DNER: variants seen among roughly 807,000 people sequenced by gnomAD.
The protein encoded by DNER is delta and Notch-like epidermal growth factor-related receptor.
A neutral mutation model predicts 78.2 loss-of-function variants in DNER; 33 were observed. The ratio of observed to expected loss-of-function variants is 0.42; its 90% CI spans 0.32 to 0.56. DNER has a LOEUF of 0.56. DNER is among the 20% of genes least tolerant of loss of function. The pLI, the probability that DNER is intolerant of heterozygous loss-of-function variation, is 0.11. For synonymous variants in DNER, 417 were observed against 384.8 expected, an observed-to-expected ratio of 1.08 and a Z score of -0.98; for missense variants, 918 against 975.3, an observed-to-expected ratio of 0.94 and a Z score of 0.78.
intron 1 of DNER, among the ~76,000 whole-genome samples, chr2:229,627,906 T>C (rs1322048765): frequency 6.6e-6 from 1 of 151,912 alleles, no homozygotes; most frequent in African/African-American, 2.4e-5. Context: ...TTTTCCAACA[T>C]GGCGCAACAA....
chr2:229,489,550 AAGGGGAGG>A (rs949585110), intron 6 of DNER, among the ~76,000 whole-genome samples: 3 of 147,976 alleles, frequency 2.0e-5, no homozygotes, highest in South Asian at 4.6e-4. Context: ...GAGGAAGAGG[AAGGGGAGG>A]AGGGGAGGAG....
intron 1 of DNER, among the ~76,000 whole-genome samples, chr2:229,697,742 A>G (rs1699683565): frequency 6.6e-6 from 1 of 152,196 alleles, no homozygotes; most frequent in African/African-American, 2.4e-5. Flanking sequence ...TCTCATTAGG[A>G]GTTTACACCA....
chr2:229,399,120 T>G (rs960149968), intron 10 of DNER, among the ~76,000 whole-genome samples: 8 of 151,568 alleles, frequency 5.3e-5, no homozygotes, highest in African/African-American at 1.9e-4. Context: ...GAAATAAAAC[T>G]GCCGCTCTTT....
At chr2:229,482,044 C>A (rs1695170899) in intron 6 of DNER, among the ~76,000 whole-genome samples, 1 of 152,222 alleles carries the variant, frequency 6.6e-6, no homozygotes, top group Admixed American at 6.5e-5. Context: ...AAATGCAAGA[C>A]AATGATAAAC....
intron 10 of DNER, among the ~76,000 whole-genome samples, chr2:229,392,034 C>T (rs1377691626): frequency 6.6e-6 from 1 of 151,980 alleles, no homozygotes; most frequent in African/African-American, 2.4e-5. Flanking sequence ...ACAGAGTCCC[C>T]ACTAAAAGAT....
intron 4 of DNER, among the ~76,000 whole-genome samples, chr2:229,566,343 T>A (rs1413555108): frequency 4.6e-5 from 7 of 152,198 alleles, no homozygotes. Context: ...AATTTTCAAG[T>A]GTTCAATGAG....
intron 8 of DNER, among the ~76,000 whole-genome samples, chr2:229,446,471 T>C (rs1694344404): frequency 6.6e-6 from 1 of 152,138 alleles, no homozygotes; most frequent in African/African-American, 2.4e-5. Flanking sequence ...CTAGAGGCCA[T>C]TGCACCAGCA....
chr2:229,454,561 T>G (rs1694530293), intron 7 of DNER, among the ~76,000 whole-genome samples: 1 of 151,908 alleles, frequency 6.6e-6, no homozygotes, highest in Admixed American at 6.6e-5. Context: ...ATTTTCAGAG[T>G]CTGCTAGCAT....
At chr2:229,621,868 G>A (rs1194223301) in intron 1 of DNER, among the ~76,000 whole-genome samples, 1 of 152,154 alleles carries the variant, frequency 6.6e-6, no homozygotes, top group Non-Finnish European at 1.5e-5. Context: ...GGCGGATCAT[G>A]AGGTCAGGAA....
intron 1 of DNER, among the ~76,000 whole-genome samples, chr2:229,650,410 A>G (rs1472157154): frequency 6.6e-6 from 1 of 152,178 alleles, no homozygotes; most frequent in Non-Finnish European, 1.5e-5. Context: ...AAGGACAGGG[A>G]AAAGGTTTTG....
chr2:229,639,505 C>T lies in DNER; in HGVS notation c.277-47617G>A, dbSNP rs559032890. 3.7e-3 allele frequency among the ~76,000 whole-genome samples: 563 copies of T among 152,286 alleles called. 6 individuals carry two copies. The highest frequency in any genetic ancestry group is 0.013 in the African/African-American group (542 of 41,556). On this transcript the variant is annotated intron_variant, in intron 1 of 12. Coordinates refer to ENST00000341772, the MANE Select transcript of DNER (RefSeq NM_139072.4). ...CTGACTTCAAGTGATCTGCCCACCT[C>T]GGCCTCCCAAAGTGCTGGGATTACA... is the stretch of plus-strand genomic sequence containing the variant.
chr2:229,614,017 G>A (rs1402504454), intron 1 of DNER, among the ~76,000 whole-genome samples: 6 of 150,290 alleles, frequency 4.0e-5, no homozygotes, highest in African/African-American at 1.5e-4. Flanking sequence ...CACACTCCGG[G>A]GCCTGTTGTG....
intron 1 of DNER, among the ~76,000 whole-genome samples, chr2:229,623,476 T>C (rs1214651610): frequency 6.6e-6 from 1 of 152,160 alleles, no homozygotes; most frequent in African/African-American, 2.4e-5. Context: ...CATACCTACT[T>C]GTTTTCCAAG....
At chr2:229,365,315 T>C (rs1221385480) in intron 12 of DNER, among the ~76,000 whole-genome samples, 1 of 152,140 alleles carries the variant, frequency 6.6e-6, no homozygotes, top group Non-Finnish European at 1.5e-5. Context: ...GGAAGGATGC[T>C]CAACCTCTAC....
In DNER at chr2:229,358,509, T is replaced by C; in HGVS notation, c.*31A>G. On this transcript the variant is annotated 3_prime_UTR_variant, in exon 13 of 13. Coordinates refer to ENST00000341772, the MANE Select transcript of DNER (RefSeq NM_139072.4). Reference sequence around the variant, plus strand: ...AAAATATTTAAATGAGTGTAGTATCTCATCTTTTTGAAAAATAATCCAAAA... The same window carrying C: ...AAAATATTTAAATGAGTGTAGTATCCCATCTTTTTGAAAAATAATCCAAAA... 6.5e-7 allele frequency: 1 copy of C among 1,547,920 alleles called. No individual in the cohort carries two copies. The highest frequency in any genetic ancestry group is 8.8e-7 in the Non-Finnish European group (1 of 1,131,400).
In DNER at chr2:229,684,163, A is replaced by AGT. The variant is rs1386422582; in HGVS notation, c.276+29984_276+29985insAC. Among the ~76,000 whole-genome samples, 232 of 130,382 alleles carry AGT rather than the reference A, an allele frequency of 1.8e-3. 1 individual carries two copies. Among genetic ancestry groups the AGT allele is most frequent in the South Asian group, 3.0e-3 (11 of 3,632 alleles). 85.5% of individuals were successfully genotyped at this position (130,382 alleles called of 152,430 possible). On this transcript the variant is annotated intron_variant, in intron 1 of 12. Coordinates refer to ENST00000341772, the MANE Select transcript of DNER (RefSeq NM_139072.4). ...GTGTATGTGAGAGAGAGAGAGAGAG[A>AGT]GAGAGAGTGTGTGTGTGTGTGTGTG...
At chr2:229,597,986 T>C (rs1352551042) in intron 1 of DNER, among the ~76,000 whole-genome samples, 1 of 152,156 alleles carries the variant, frequency 6.6e-6, no homozygotes, top group African/African-American at 2.4e-5. Flanking sequence ...GTGTGACCCT[T>C]TAGCCATGGC....
intron 1 of DNER, among the ~76,000 whole-genome samples, chr2:229,692,482 A>G (rs1699595314): frequency 6.6e-6 from 1 of 152,246 alleles, no homozygotes; most frequent in African/African-American, 2.4e-5. Flanking sequence ...ACTGAATCTT[A>G]TATCACAAGT....
In DNER at chr2:229,407,313, C is replaced by T. The variant is rs890282765; in HGVS notation, c.1642G>A (p.Ala548Thr). Residue 548 changes from alanine (A) to threonine (T), a missense_variant, in exon 10 of 13, where the codon GCT (alanine) becomes ACT (threonine). Ala to Thr is a moderately conservative substitution (Grantham distance 58). Coordinates refer to ENST00000341772, the MANE Select transcript of DNER (RefSeq NM_139072.4). ...GCTCCGTTCAGACAGCTGACGTTAG[C>T]GCAGGGATCCTTGTACAATTCACAG... ...THCELYKDPC[A>T]NVSCLNGATC... is the part of the protein sequence containing the mutation. 9 of 1,613,774 alleles carry T rather than the reference C, an allele frequency of 5.6e-6. No homozygotes were observed. Among genetic ancestry groups the T allele is most frequent in the East Asian group, 4.5e-5 (2 of 44,884 alleles).
Sources: allele counts gnomAD v4.1 joint callset (sites outside exome capture counted in the v4.1 genomes callset), GRCh38; gene constraint gnomAD v4.1.1; transcripts MANE v1.5; gene names NCBI Gene and HGNC (gene_info 2026-07-23, HGNC 2026-07-21).